The following CDH18 variants were observed in gnomAD, a reference collection of about 807,000 sequenced individuals.
The protein encoded by CDH18 is cadherin 18.
CDH18 carries 31 observed loss-of-function variants against 67.9 expected under a neutral mutation model. That is an observed-to-expected ratio of 0.46 (90% CI 0.34 to 0.62). The LOEUF is 0.62. CDH18 is among the 20% of genes least tolerant of loss of function. The pLI, the probability that CDH18 is intolerant of heterozygous loss-of-function variation, is 0.01. For synonymous variants in CDH18, 362 were observed against 347.2 expected, an observed-to-expected ratio of 1.04 and a Z score of -0.48; for missense variants, 890 against 975.5, an observed-to-expected ratio of 0.91 and a Z score of 1.17.
At chr5:20,188,582 G>A (rs532046881) in intron 2 of CDH18, among the ~76,000 whole-genome samples, 13 of 151,922 alleles carry the variant, frequency 8.6e-5, no homozygotes, top group East Asian at 1.9e-4. Context: ...TATGAGAAAG[G>A]AATTATTATT....
rs528651478 is a variant in CDH18 at position 19,662,235 on chromosome 5, C to T, written c.644-49634G>A. Among the ~76,000 whole-genome samples, 171 of 151,730 alleles carry T rather than the reference C, an allele frequency of 1.1e-3. 5 individuals are homozygous for T. The South Asian group carries it at 0.031, about 28-fold the overall frequency. ...AAAAATCGGTCATTTTACTTGCGTC[C>T]CATTTTTGAGATGCTGATGTTGCAT... On this transcript the variant is annotated intron_variant, in intron 5 of 12. Coordinates refer to ENST00000382275, the MANE Select transcript of CDH18 (RefSeq NM_004934.5).
In CDH18 at chr5:20,169,141, G is replaced by T. The variant is rs1580391180; in HGVS notation, c.-518+86303C>A. On this transcript the variant is annotated intron_variant, in intron 2 of 14. Coordinates refer to the CDH18 transcript ENST00000507958. ...CAAAGTAACTAAAAGAGTGTACTTG[G>T]ATTGTTTGTAACATAAAGGATAAAT... Among the ~76,000 whole-genome samples the T allele has an allele frequency of 2.0e-5, 3 of 152,198 alleles. No individual in the cohort carries two copies. In the South Asian group the frequency reaches 6.2e-4, roughly 32 times the overall value.
chr5:19,715,900 T>C (rs987777894), intron 5 of CDH18, among the ~76,000 whole-genome samples: 25 of 150,256 alleles, frequency 1.7e-4, no homozygotes, highest in African/African-American at 6.1e-4. Flanking sequence ...CACTGCAACC[T>C]CTGCCTCCTG....
chr5:19,958,449 C>T (rs1796483794), intron 2 of CDH18, among the ~76,000 whole-genome samples: 1 of 145,198 alleles, frequency 6.9e-6, no homozygotes, highest in Non-Finnish European at 1.5e-5. Flanking sequence ...TATGAACTGC[C>T]ATCAAGGTCA....
At chr5:19,652,562 T>G (rs112719736) in intron 5 of CDH18, among the ~76,000 whole-genome samples, 60 of 152,280 alleles carry the variant, frequency 3.9e-4, no homozygotes, top group East Asian at 3.1e-3. Context: ...GGATACATCA[T>G]CCTGAAAAGT....
At chr5:20,348,573 T>C (rs1740897989) in intron 1 of CDH18, among the ~76,000 whole-genome samples, 1 of 152,174 alleles carries the variant, frequency 6.6e-6, no homozygotes. Flanking sequence ...GACAGAAACG[T>C]TGATCAAGTG....
chr5:20,210,469 T>C (rs1041195296), intron 2 of CDH18, among the ~76,000 whole-genome samples: 19 of 152,034 alleles, frequency 1.2e-4, no homozygotes, highest in Non-Finnish European at 2.1e-4. Flanking sequence ...TTATTTGTTG[T>C]AATTTTAAAA....
rs533240293 is a variant in CDH18, at chr5:19,623,537, T to G, written c.644-10936A>C. ...AACCCATATGAGAAATATTATCATATAGACATATGATGCTTATTTATTCAT... is the reference window on the plus strand; with the variant it reads ...AACCCATATGAGAAATATTATCATAGAGACATATGATGCTTATTTATTCAT... On this transcript the variant is annotated intron_variant, in intron 5 of 12. Coordinates refer to ENST00000382275, the MANE Select transcript of CDH18 (RefSeq NM_004934.5). 3.3e-5 allele frequency among the ~76,000 whole-genome samples: 5 copies of G among 152,278 alleles called. No individual in the cohort carries two copies. The East Asian group carries it at 9.7e-4, about 29-fold the overall frequency.
chr5:19,901,232 C>T (rs1169015554), intron 2 of CDH18, among the ~76,000 whole-genome samples: 3 of 151,876 alleles, frequency 2.0e-5, no homozygotes, highest in Non-Finnish European at 2.9e-5. Flanking sequence ...TTTTATTTTA[C>T]TCTTATGTAA....
At chr5:19,762,699 A>G (rs1180625437) in intron 3 of CDH18, among the ~76,000 whole-genome samples, 2 of 152,166 alleles carry the variant, frequency 1.3e-5, no homozygotes, top group African/African-American at 4.8e-5. Flanking sequence ...GCGATTCCTC[A>G]AGGATGTAGA....
chr5:19,706,163 G>C (rs1000723436), intron 5 of CDH18, among the ~76,000 whole-genome samples: 1 of 152,082 alleles, frequency 6.6e-6, no homozygotes, highest in Admixed American at 6.5e-5. Flanking sequence ...GCTCAGTTAC[G>C]ATTTCATACA....
intron 11 of CDH18, among the ~76,000 whole-genome samples, chr5:19,496,873 C>T (rs932714423): frequency 6.6e-6 from 1 of 150,600 alleles, no homozygotes; most frequent in African/African-American, 2.4e-5. Flanking sequence ...ACTGTCCTGC[C>T]ACATAAAGAA....
At chr5:20,532,343 C>T (rs1320722087) in intron 1 of CDH18, among the ~76,000 whole-genome samples, 3 of 152,120 alleles carry the variant, frequency 2.0e-5, no homozygotes, top group Non-Finnish European at 4.4e-5. Context: ...CAGTCACTAA[C>T]AAGTGTTTAC....
chr5:19,750,762 C>T (rs376306145), intron 3 of CDH18, among the ~76,000 whole-genome samples: 1 of 1,654 alleles, frequency 6.0e-4, no homozygotes, highest in African/African-American at 7.5e-4. Flanking sequence ...ACAGTGAAGC[C>T]CCCCCCCCCC....
intron 2 of CDH18, among the ~76,000 whole-genome samples, chr5:20,182,705 T>C (rs1222945415): frequency 6.6e-6 from 1 of 150,860 alleles, no homozygotes; most frequent in Admixed American, 6.6e-5. Flanking sequence ...TGGCTAGAGG[T>C]AGGGCTTTTT....
chr5:19,692,029 A>G (rs1761956605), intron 5 of CDH18, among the ~76,000 whole-genome samples: 1 of 152,062 alleles, frequency 6.6e-6, no homozygotes, highest in Admixed American at 6.6e-5. Context: ...GTATAAAAAC[A>G]GGCACGTAGA....
At chr5:19,675,317 C>T (rs564961149) in intron 5 of CDH18, among the ~76,000 whole-genome samples, 35 of 152,050 alleles carry the variant, frequency 2.3e-4, no homozygotes, top group Non-Finnish European at 2.1e-4. Context: ...AGCAGACAAC[C>T]GGTATGACCA....
chr5:20,179,825 G>T (rs1487529003), intron 2 of CDH18, among the ~76,000 whole-genome samples: 2 of 152,080 alleles, frequency 1.3e-5, no homozygotes, highest in Non-Finnish European at 1.5e-5. Flanking sequence ...AGACAGACAG[G>T]CAGGGTCTCC....
chr5:19,556,855 G>A (rs371537), intron 8 of CDH18, among the ~76,000 whole-genome samples: 149,840 of 152,216 alleles, frequency 0.98, 73,917 homozygotes, highest in Middle Eastern at 1. Context: ...TGAAGGAAAG[G>A]ATCTTAAGAA....
Sources: gnomAD v4.1 joint callset for allele counts (sites outside exome capture counted in the v4.1 genomes callset) on GRCh38, gnomAD v4.1.1 for gene constraint, MANE v1.5 for transcripts, NCBI Gene and HGNC (gene_info 2026-07-23, HGNC 2026-07-21) for gene names.